Variants in NBEA observed in about 807,000 individuals in gnomAD.
NBEA encodes the protein neurobeachin.
NBEA carries 44 observed loss-of-function variants against 343.4 expected under a neutral mutation model. The observed-to-expected ratio is 0.13, with a 90% CI of 0.10 to 0.16. The LOEUF is 0.16. NBEA is among the 10% of genes least tolerant of loss of function. NBEA has a pLI of 1.00. For missense variants in NBEA, 2,555 were observed against 3,631.3 expected (o/e 0.70, Z 7.62); for synonymous variants, 1,175 against 1,238.7 (o/e 0.95, Z 1.08).
intron 36 of NBEA, among the ~76,000 whole-genome samples, chr13:35,323,009 C>T (rs967584646): frequency 6.6e-5 from 10 of 152,066 alleles, no homozygotes; most frequent in African/African-American, 1.9e-4. Flanking sequence ...GCCACCATGC[C>T]CAGCTGCATT....
chr13:35,124,045 T>C (rs138439767), intron 17 of NBEA, among the ~76,000 whole-genome samples: 1 of 152,050 alleles, frequency 6.6e-6, no homozygotes, highest in Non-Finnish European at 1.5e-5. Flanking sequence ...CTCATTTCTT[T>C]CCCCAAATCA....
rs765225193 is a variant in NBEA at position 35,109,410 on chromosome 13, A to T, written c.1801A>T (p.Asn601Tyr). Residue 601 changes from asparagine (N) to tyrosine (Y), a missense_variant, in exon 12 of 59, where the codon AAC becomes TAC. Physicochemically the swap from Asn to Tyr is moderately radical, Grantham distance 143. Around this residue, in one of 21 missense-constraint regions of NBEA, gnomAD observed 360 missense variants for 519.1 expected, o/e 0.69. Coordinates refer to ENST00000379939, the MANE Select transcript of NBEA (RefSeq NM_001385012.1). ...GCAGCTTTGTGATCACATTTTATTT[A>T]ACCCAGCCATCTGGATACATACACC... Reference protein sequence around the residue: ...LKQLCDHILFNPAIWIHTPAK... With the variant: ...LKQLCDHILFYPAIWIHTPAK... The T allele has an allele frequency of 6.2e-7, 1 of 1,611,486 alleles. No homozygotes were observed. The highest frequency in any genetic ancestry group is 1.1e-5 in the South Asian group (1 of 90,796).
At chr13:35,084,014 A>G (rs1376071095) in intron 10 of NBEA, among the ~76,000 whole-genome samples, 1 of 152,186 alleles carries the variant, frequency 6.6e-6, no homozygotes, top group Non-Finnish European at 1.5e-5. Context: ...TCAATTCAAC[A>G]AGAAGAGCTA....
At chr13:35,387,999 G>A (rs1430654642) in intron 38 of NBEA, among the ~76,000 whole-genome samples, 1 of 152,072 alleles carries the variant, frequency 6.6e-6, no homozygotes, top group Admixed American at 6.6e-5. Flanking sequence ...AGTGTGTCCA[G>A]TTTTTGCTAA....
At chr13:35,092,072 TATATC>T (rs1209613620) in intron 10 of NBEA, among the ~76,000 whole-genome samples, 2 of 152,120 alleles carry the variant, frequency 1.3e-5, no homozygotes, top group Admixed American at 6.6e-5. Flanking sequence ...AGTAAACACA[TATATC>T]AGTGAAACAG....
At chr13:35,653,476 G>A (rs575144193) in intron 53 of NBEA, among the ~76,000 whole-genome samples, 30 of 151,850 alleles carry the variant, frequency 2.0e-4, no homozygotes, top group Non-Finnish European at 3.4e-4. Flanking sequence ...GATTACAGGC[G>A]TGCACCACCA....
chr13:35,162,250 A>G (rs1045710464), intron 23 of NBEA, among the ~76,000 whole-genome samples: 2 of 152,218 alleles, frequency 1.3e-5, no homozygotes, highest in African/African-American at 4.8e-5. Flanking sequence ...ACAAATCTAC[A>G]TAAAGTAAAC....
intron 41 of NBEA, among the ~76,000 whole-genome samples, chr13:35,548,551 C>G (rs1017532764): frequency 7.2e-5 from 11 of 152,042 alleles, no homozygotes; most frequent in Admixed American, 6.6e-5. Context: ...ATGGGAAGAT[C>G]TATCATTTTT....
chr13:35,561,560 T>G (rs1259851006), intron 44 of NBEA, among the ~76,000 whole-genome samples: 1 of 152,186 alleles, frequency 6.6e-6, no homozygotes, highest in Non-Finnish European at 1.5e-5. Context: ...CCAAAAATAT[T>G]ATTTTAGTAT....
intron 25 of NBEA, chr13:35,170,965 G>A: frequency 2.8e-6 from 1 of 361,946 alleles, no homozygotes; most frequent in Non-Finnish European, 5.3e-6. Context: ...GTACATATAT[G>A]TGGTTCTGTC....
intron 39 of NBEA, among the ~76,000 whole-genome samples, chr13:35,444,928 A>C (rs140386678): frequency 9.9e-5 from 15 of 152,264 alleles, no homozygotes; most frequent in African/African-American, 3.6e-4. Context: ...TACTACATTC[A>C]ATTTCCAAAG....
At chr13:35,090,484 T>G (rs545910976) in intron 10 of NBEA, among the ~76,000 whole-genome samples, 103 of 152,092 alleles carry the variant, frequency 6.8e-4, no homozygotes, top group African/African-American at 2.3e-3. Context: ...GTAAAATTAA[T>G]GGGTTGCAAT....
At chr13:35,535,459 C>T (rs2078492019) in intron 41 of NBEA, among the ~76,000 whole-genome samples, 1 of 152,100 alleles carries the variant, frequency 6.6e-6, no homozygotes, top group South Asian at 2.1e-4. Context: ...GAGACTGGAT[C>T]AGAGAATAAA....
chr13:35,600,262 T>C (rs911963018), intron 47 of NBEA, among the ~76,000 whole-genome samples: 6 of 152,176 alleles, frequency 3.9e-5, no homozygotes, highest in African/African-American at 1.4e-4. Context: ...TTTTAAACAG[T>C]TGCTCCCCAG....
At chr13:35,126,992 G>A (rs1272634828) in intron 17 of NBEA, among the ~76,000 whole-genome samples, 1 of 151,276 alleles carries the variant, frequency 6.6e-6, no homozygotes, top group African/African-American at 2.4e-5. Flanking sequence ...GCAGAATAAT[G>A]GAACAAAACG....
intron 38 of NBEA, among the ~76,000 whole-genome samples, chr13:35,381,936 T>C (rs1311514229): frequency 6.6e-6 from 1 of 152,202 alleles, no homozygotes; most frequent in Non-Finnish European, 1.5e-5. Flanking sequence ...CTTCTATTTC[T>C]AATTATATTT....
intron 34 of NBEA, among the ~76,000 whole-genome samples, chr13:35,286,578 A>G (rs1262313762): frequency 2.0e-5 from 3 of 152,266 alleles, no homozygotes; most frequent in South Asian, 4.1e-4. Flanking sequence ...TTGATATTCA[A>G]TTCAACAGAT....
intron 48 of NBEA, among the ~76,000 whole-genome samples, chr13:35,619,900 C>G (rs59770648): frequency 0.03 from 4,594 of 152,158 alleles, 257 homozygotes; most frequent in African/African-American, 0.11. Context: ...CAAAGAATGG[C>G]CATGGATCCT....
chr13:35,604,350 G>A (rs1470213276), intron 47 of NBEA, among the ~76,000 whole-genome samples: 1 of 151,658 alleles, frequency 6.6e-6, no homozygotes, highest in Non-Finnish European at 1.5e-5. Flanking sequence ...TTTCGTTGTG[G>A]CCTTGAGGTC....
Sources: gnomAD v4.1 joint callset for allele counts (sites outside exome capture counted in the v4.1 genomes callset) on GRCh38, gnomAD v4.1.1 for gene constraint, gnomAD v4.1.1 regional missense constraint, MANE v1.5 for transcripts, NCBI Gene and HGNC (gene_info 2026-07-23, HGNC 2026-07-21) for gene names.